CD2AP: variants seen among roughly 807,000 people sequenced by gnomAD.
The protein encoded by CD2AP is CD2-associated protein.
Under a neutral mutation model 85.1 loss-of-function variants are expected in CD2AP, and 46 were observed. The observed-to-expected ratio is 0.54, with a 90% CI of 0.43 to 0.69. The LOEUF is 0.69. Among genes scored for constraint, CD2AP ranks in the 30% least tolerant of loss-of-function variants. The pLI, the probability that CD2AP is intolerant of heterozygous loss-of-function variation, is 0.00. For synonymous variants in CD2AP, 255 were observed against 252.9 expected, an observed-to-expected ratio of 1.01 and a Z score of -0.08; for missense variants, 769 against 729.5, an observed-to-expected ratio of 1.05 and a Z score of -0.62.
In CD2AP at chr6:47,591,501, T is replaced by C. The variant is rs1582599659; in HGVS notation, c.1109-4360T>C. The stretch of plus-strand genomic sequence containing the variant: ...AAGAATAGACTCACTACTTTTTAGG[T>C]AGTACATTTTTTCTCTAAGGCATCT... On this transcript the variant is annotated intron_variant, in intron 11 of 17. Coordinates refer to ENST00000359314, the MANE Select transcript of CD2AP (RefSeq NM_012120.3). Among the ~76,000 whole-genome samples, 6 of 152,254 alleles carry C rather than the reference T, an allele frequency of 3.9e-5. No homozygotes were observed. The South Asian group carries it at 1.2e-3, about 32-fold the overall frequency.
intron 5 of CD2AP, among the ~76,000 whole-genome samples, chr6:47,569,102 T>C (rs1007041528): frequency 6.6e-6 from 1 of 152,144 alleles, no homozygotes; most frequent in Non-Finnish European, 1.5e-5. Flanking sequence ...GGTTAGGCAG[T>C]GTAGAGAGTA....
At chr6:47,502,996 C>T (rs1766037060) in intron 1 of CD2AP, among the ~76,000 whole-genome samples, 1 of 152,120 alleles carries the variant, frequency 6.6e-6, no homozygotes, top group Admixed American at 6.5e-5. Context: ...CTGTCTGCTA[C>T]AAAGGATATG....
At chr6:47,599,612 G>A (rs1473940344) in intron 13 of CD2AP, among the ~76,000 whole-genome samples, 169 bp downstream of exon 13, 1 of 151,898 alleles carries the variant, frequency 6.6e-6, no homozygotes, top group Non-Finnish European at 1.5e-5. Flanking sequence ...AATAAAAGAA[G>A]ATAAGTAAAA....
chr6:47,478,307 T>A, intron 1 of CD2AP, 59 bp downstream of exon 1: 1 of 1,556,404 alleles, frequency 6.4e-7, no homozygotes, highest in Non-Finnish European at 8.7e-7. Context: ...GGGGAGGCTG[T>A]GCCCTTTCTC....
intron 5 of CD2AP, 43 bp from the exon 6 acceptor site, chr6:47,574,021 G>A (rs1185773355): frequency 2.6e-6 from 4 of 1,535,584 alleles, no homozygotes; most frequent in Admixed American, 1.7e-5. Context: ...CAAGCGTTTT[G>A]TGATTCTAGG....
intron 11 of CD2AP, among the ~76,000 whole-genome samples, chr6:47,589,902 C>T (rs533888230): frequency 1.1e-4 from 16 of 152,180 alleles, no homozygotes; most frequent in Admixed American, 6.5e-5. Flanking sequence ...CTCTGAGGAA[C>T]ACTGAAGTTC....
At chr6:47,508,850 A>G (rs183047152) in intron 2 of CD2AP, among the ~76,000 whole-genome samples, 6 of 152,076 alleles carry the variant, frequency 3.9e-5, no homozygotes, top group Admixed American at 1.3e-4. Flanking sequence ...CACTTTCTTC[A>G]TATCAGCAAT....
At chr6:47,557,227 T>G (rs1301734834) in intron 5 of CD2AP, among the ~76,000 whole-genome samples, 4 of 151,602 alleles carry the variant, frequency 2.6e-5, no homozygotes, top group Non-Finnish European at 5.9e-5. Flanking sequence ...GGATATTAGC[T>G]CTTTGTCAGA....
chr6:47,616,925 A>G (rs557963116), intron 17 of CD2AP, among the ~76,000 whole-genome samples: 14 of 152,010 alleles, frequency 9.2e-5, no homozygotes, highest in African/African-American at 1.4e-4. Context: ...ACTACATCCT[A>G]TTGTCTCTAA....
intron 5 of CD2AP, among the ~76,000 whole-genome samples, chr6:47,561,489 AGAG>A (rs982236047): frequency 4.6e-5 from 7 of 150,900 alleles, no homozygotes; most frequent in Non-Finnish European, 8.8e-5. Flanking sequence ...TTTTTTTAAG[AGAG>A]GAATAGTGTT....
intron 5 of CD2AP, among the ~76,000 whole-genome samples, chr6:47,570,535 A>G (rs1376647288): frequency 2.9e-4 from 1 of 3,474 alleles, no homozygotes; most frequent in Non-Finnish European, 2.9e-3. Flanking sequence ...CTTGCTCCTT[A>G]TCCTCTTTTC....
chr6:47,529,603 T>C (rs1054574530), intron 2 of CD2AP, among the ~76,000 whole-genome samples: 3 of 152,202 alleles, frequency 2.0e-5, no homozygotes, highest in African/African-American at 4.8e-5. Context: ...TATGTATAGC[T>C]CACATTTATT....
intron 17 of CD2AP, among the ~76,000 whole-genome samples, chr6:47,622,855 G>T (rs780380685): frequency 5.9e-5 from 9 of 152,090 alleles, no homozygotes; most frequent in Non-Finnish European, 1.3e-4. Flanking sequence ...CCTCCTGTCC[G>T]CCATGATGAT....
chr6:47,548,281 A>G (rs778353969), intron 4 of CD2AP, among the ~76,000 whole-genome samples: 11 of 152,188 alleles, frequency 7.2e-5, no homozygotes, highest in Non-Finnish European at 1.5e-4. Context: ...CTTTGAAAAG[A>G]TAAATAAGAT....
rs770767773 is a variant in CD2AP, at chr6:47,576,591, G to A, written c.797G>A (p.Gly266Asp). 3.1e-6 allele frequency: 5 copies of A among 1,608,388 alleles called. No individual in the cohort carries two copies. The Admixed American group carries it at 6.7e-5, about 21-fold the overall frequency. ...SVEITKTDTEGKIKAKEYCRT... is the reference protein window; with the variant it reads ...SVEITKTDTEDKIKAKEYCRT... The stretch of plus-strand genomic sequence containing the variant: ...GAGATAACAAAAACAGATACCGAAG[G>A]TAAAATTAAAGGTATGTTTTTGAAT... Residue 266 changes from glycine (G) to aspartate (D), a missense_variant, in exon 7 of 18, where the codon GGT becomes GAT. Gly to Asp is a moderately conservative substitution (Grantham distance 94, BLOSUM62 -1). Coordinates refer to ENST00000359314, the MANE Select transcript of CD2AP (RefSeq NM_012120.3).
intron 17 of CD2AP, 114 bp from the exon 18 acceptor site, chr6:47,624,072 T>C: frequency 3.4e-6 from 3 of 878,462 alleles, no homozygotes; most frequent in Non-Finnish European, 5.5e-6. Context: ...ATTTTAGGTC[T>C]GGAAAAAAAG....
chr6:47,601,560 G>C (rs561088832), intron 13 of CD2AP, among the ~76,000 whole-genome samples: 2 of 152,012 alleles, frequency 1.3e-5, no homozygotes, highest in South Asian at 4.1e-4. Context: ...TAAGATAAAA[G>C]GCATAATTGA....
chr6:47,576,272 TC>T (rs1283661203), intron 6 of CD2AP, among the ~76,000 whole-genome samples: 1 of 152,174 alleles, frequency 6.6e-6, no homozygotes, highest in Non-Finnish European at 1.5e-5. Context: ...TAAAATTAAA[TC>T]TCATTAATAT....
In CD2AP at chr6:47,600,723, C is replaced by T. The variant is rs114424097; in HGVS notation, c.1417+1280C>T. ...AAAGAATCCTCATGTTTTAAAAAAT[C>T]ATTCTTTTTTATTGAGCTTATCAGT... On this transcript the variant is annotated intron_variant, in intron 13 of 17. Transcript: ENST00000359314. Among the ~76,000 whole-genome samples, 1,203 of 151,920 alleles carry T rather than the reference C, an allele frequency of 7.9e-3. 14 individuals are homozygous for T. Among genetic ancestry groups the T allele is most frequent in the African/African-American group, 0.027 (1,123 of 41,514 alleles).
Sources: allele counts gnomAD v4.1 joint callset (sites outside exome capture counted in the v4.1 genomes callset), GRCh38; gene constraint gnomAD v4.1.1; transcripts MANE v1.5; gene names NCBI Gene and HGNC (gene_info 2026-07-23, HGNC 2026-07-21).